SAR1A: variants seen among roughly 807,000 people sequenced by gnomAD.
SAR1A encodes the protein small COPII coat GTPase SAR1A.
A neutral mutation model predicts 22.6 loss-of-function variants in SAR1A; 6 were observed. The ratio of observed to expected loss-of-function variants is 0.27; its 90% CI spans 0.15 to 0.52. The LOEUF (loss-of-function observed/expected upper bound fraction) is 0.52, where lower values mean the gene tolerates loss of function less well. Among genes scored for constraint, SAR1A ranks in the 20% least tolerant of loss-of-function variants. SAR1A has a pLI of 0.96. For missense variants in SAR1A, 145 were observed against 245.1 expected (o/e 0.59, Z 2.73); for synonymous variants, 70 against 82.2 (o/e 0.85, Z 0.80).
At chr10:70,170,309 C>G (rs1205795338) in intron 1 of SAR1A, 104 bp downstream of exon 1, 29 of 119,606 alleles carry the variant, frequency 2.4e-4, no homozygotes, top group East Asian at 9.4e-4. Context: ...GTCACTTCCC[C>G]CCCACCCAAC....
Position 70,150,538 on chromosome 10 carries a change from A to C in SAR1A, c.*1938T>G, listed in dbSNP as rs1334119564. 2 of 152,172 alleles carry C rather than the reference A, an allele frequency of 1.3e-5. No homozygotes were observed. The highest frequency in any genetic ancestry group is 2.9e-5 in the Non-Finnish European group (2 of 68,010). 9.4% of individuals were successfully genotyped at this position (152,172 alleles called of 1,614,324 possible). On this transcript the variant is annotated 3_prime_UTR_variant, in exon 7 of 7. Transcript: ENST00000373241. The stretch of plus-strand genomic sequence containing the variant: ...CCCACAGATTTCTAGCTTGCAACAA[A>C]GTGACAAGGGACAAATAGGGGAAAA...
At position 70,147,567 on chromosome 10, in the gene SAR1A, A is replaced by G. The variant is rs1447979778; in HGVS notation, c.*4909T>C. The G allele has an allele frequency of 6.6e-6, 1 of 152,226 alleles. No homozygotes were observed. Among genetic ancestry groups the G allele is most frequent in the Non-Finnish European group, 1.5e-5 (1 of 68,046 alleles). The allele number at this position is 152,226 out of a possible 1,614,324, so 9.4% of individuals were successfully genotyped here. On this transcript the variant is annotated 3_prime_UTR_variant, in exon 7 of 7. Transcript: ENST00000373241. ...TTTCATACAATTTTTTGTGTCCAAA[A>G]ATAGCATTCTTTAAATATTTTTTCC...
intron 1 of SAR1A, chr10:70,163,993 T>A: frequency 4.6e-6 from 5 of 1,080,594 alleles, no homozygotes; most frequent in Non-Finnish European, 5.8e-6. Flanking sequence ...ATTAGTGGTG[T>A]AGAACTTCAC....
intron 4 of SAR1A, among the ~76,000 whole-genome samples, chr10:70,159,271 T>C (rs10823490): frequency 0.36 from 55,356 of 152,060 alleles, 10,656 homozygotes; most frequent in Non-Finnish European, 0.4. Context: ...ATATACATGA[T>C]TTTTCAGGGC....
chr10:70,166,139 CG>C (rs1839547219), intron 1 of SAR1A, among the ~76,000 whole-genome samples: 1 of 152,198 alleles, frequency 6.6e-6, no homozygotes, highest in East Asian at 1.9e-4. Context: ...ATAGTGTAAA[CG>C]TAACTTTTAT....
chr10:70,148,894 G>A lies in SAR1A; in HGVS notation c.*3582C>T, dbSNP rs900289263. On this transcript the variant is annotated 3_prime_UTR_variant, in exon 7 of 7. Coordinates refer to ENST00000373241, the MANE Select transcript of SAR1A (RefSeq NM_020150.5). ...GAACTGTTAGGCATTGGGTTTTTCTGTGTTTACAGCAGACCATGGTAAAAA... is the reference window on the plus strand; with the variant it reads ...GAACTGTTAGGCATTGGGTTTTTCTATGTTTACAGCAGACCATGGTAAAAA... The A allele has an allele frequency of 6.6e-6, 1 of 152,408 alleles. No homozygotes were observed. The highest frequency in any genetic ancestry group is 2.4e-5 in the African/African-American group (1 of 41,440). The allele number at this position is 152,408 out of a possible 1,614,324, so 9.4% of individuals were successfully genotyped here.
At chr10:70,155,203 G>C (rs1465778810) in intron 5 of SAR1A, 1 of 462,652 alleles carries the variant, frequency 2.2e-6, no homozygotes, top group East Asian at 6.9e-5. Context: ...GTATCTATCT[G>C]TGGTGTTCAT....
intron 5 of SAR1A, among the ~76,000 whole-genome samples, chr10:70,154,694 C>G (rs571724970): frequency 1.4e-4 from 21 of 152,198 alleles, no homozygotes; most frequent in African/African-American, 4.8e-4. Flanking sequence ...TCCTGCCCCT[C>G]AAGTAATCTG....
At chr10:70,156,533 G>A (rs1839389109) in intron 5 of SAR1A, among the ~76,000 whole-genome samples, 1 of 152,046 alleles carries the variant, frequency 6.6e-6, no homozygotes, top group Admixed American at 6.6e-5. Context: ...TTAGCTGGGT[G>A]TGGTGGTGTA....
At chr10:70,167,463 C>T (rs1839568203) in intron 1 of SAR1A, 2 of 152,178 alleles carry the variant, frequency 1.3e-5, no homozygotes, top group Admixed American at 6.5e-5. Flanking sequence ...AACAGCTGGG[C>T]GCGGCAGCGC....
intron 6 of SAR1A, among the ~76,000 whole-genome samples, chr10:70,153,228 C>G (rs1394499100): frequency 1.3e-5 from 2 of 152,204 alleles, no homozygotes; most frequent in East Asian, 3.8e-4. Context: ...TTTATCTGAT[C>G]TAGATTTTCT....
rs1589881170 is a variant in SAR1A, at chr10:70,170,450, C to G, written c.-54G>C. On this transcript the variant is annotated 5_prime_UTR_variant, in exon 1 of 7. Transcript: ENST00000373241. ...TCCTCCGGCAAAACAGCGGCTGGCTCGGACCCTCCCTCAGAGCACACTAAC... is the reference window on the plus strand; with the variant it reads ...TCCTCCGGCAAAACAGCGGCTGGCTGGGACCCTCCCTCAGAGCACACTAAC... The G allele has an allele frequency of 6.6e-6, 1 of 152,218 alleles. No individual in the cohort carries two copies. The highest frequency in any genetic ancestry group is 6.6e-5 in the Admixed American group (1 of 15,266). The allele number at this position is 152,218 out of a possible 1,614,324, so 9.4% of individuals were successfully genotyped here.
chr10:70,159,074 T>C (rs1299604934), intron 4 of SAR1A, among the ~76,000 whole-genome samples: 1 of 152,168 alleles, frequency 6.6e-6, no homozygotes, highest in Admixed American at 6.5e-5. Context: ...CAAATCCTTT[T>C]GTGGAAGCAG....
At position 70,161,574 on chromosome 10, in the gene SAR1A, C is replaced by T. The variant is rs373862258; in HGVS notation, c.178+45G>A. 3 of 1,607,814 alleles carry T rather than the reference C, an allele frequency of 1.9e-6. No individual in the cohort carries two copies. The African/African-American group carries it at 4.0e-5, about 22-fold the overall frequency. ...AGGGATTCATCCTCCACGCCTAACA[C>T]TGACCTTTAAAGATCAAAAGGTCAC... is the stretch of plus-strand genomic sequence containing the variant. On this transcript the variant is annotated intron_variant, in intron 3 of 6. Coordinates refer to ENST00000373241, the MANE Select transcript of SAR1A (RefSeq NM_020150.5).
chr10:70,164,527 C>T (rs1195498039), intron 1 of SAR1A, among the ~76,000 whole-genome samples: 1 of 152,166 alleles, frequency 6.6e-6, no homozygotes, highest in Admixed American at 6.5e-5. Flanking sequence ...TTAAAAGTTG[C>T]ACTACTGCAG....
chr10:70,162,804 C>T (rs1270803768), intron 1 of SAR1A: 1 of 152,276 alleles, frequency 6.6e-6, no homozygotes, highest in African/African-American at 2.4e-5. Flanking sequence ...ACAGCATGTG[C>T]TCCCTTCATG....
At position 70,153,980 on chromosome 10, in the gene SAR1A, AAAAAAAAG is replaced by A. The variant is rs548834149; in HGVS notation, c.349-19_349-12del. ...ATCAGTCATTAAAGCCTAAAGATTG[AAAAAAAAG>A]AAAAAAAGAAAAAAAAGAATTAAGT... On this transcript the variant is annotated splice_polypyrimidine_tract_variant and intron_variant, in intron 5 of 6. Coordinates refer to ENST00000373241, the MANE Select transcript of SAR1A (RefSeq NM_020150.5). 2,387 of 1,541,508 alleles carry A rather than the reference AAAAAAAAG, an allele frequency of 1.5e-3. 49 individuals carry two copies. In the South Asian group the frequency reaches 0.026, roughly 17 times the overall value.
At chr10:70,163,476 CTT>C (rs1839503152) in intron 1 of SAR1A, among the ~76,000 whole-genome samples, 1 of 152,192 alleles carries the variant, frequency 6.6e-6, no homozygotes, top group Non-Finnish European at 1.5e-5. Context: ...TGCAAGGTGA[CTT>C]TACGTTGAGG....
rs1442962562 is a variant in SAR1A at position 70,147,353 on chromosome 10, C to T, written c.*5123G>A. The T allele has an allele frequency of 1.3e-5, 2 of 152,132 alleles. No individual in the cohort carries two copies. The highest frequency in any genetic ancestry group is 2.1e-4 in the South Asian group (1 of 4,828). 9.4% of individuals were successfully genotyped at this position (152,132 alleles called of 1,614,324 possible). A position where few individuals can be genotyped will look rare whatever the true frequency, so the allele number is the denominator to read the frequency against. ...AGTGTGCACATTTCACATAACATAA[C>T]CACCAGCCAGGATTTATCTAGGCCA... On this transcript the variant is annotated 3_prime_UTR_variant, in exon 7 of 7. Coordinates refer to ENST00000373241, the MANE Select transcript of SAR1A (RefSeq NM_020150.5).
Sources: gnomAD v4.1 joint callset for allele counts (sites outside exome capture counted in the v4.1 genomes callset) on GRCh38, gnomAD v4.1.1 for gene constraint, MANE v1.5 for transcripts, NCBI Gene and HGNC (gene_info 2026-07-23, HGNC 2026-07-21) for gene names.